IL1R1: variants seen among roughly 807,000 people sequenced by gnomAD.
IL1R1 encodes interleukin 1 receptor type 1.
In IL1R1, 22 loss-of-function variants were observed where a neutral mutation model predicts 50.2. That is an observed-to-expected ratio of 0.44 (90% confidence interval 0.31 to 0.63). The LOEUF is 0.63. Among genes scored for constraint, IL1R1 ranks in the 20% least tolerant of loss-of-function variants. The pLI is 0.07. For synonymous variants in IL1R1, 251 were observed against 236.7 expected, an observed-to-expected ratio of 1.06 and a Z score of -0.55; for missense variants, 509 against 676.2, an observed-to-expected ratio of 0.75 and a Z score of 2.74.
At chr2:102,077,865 A>G (rs1327773439) in intron 1 of IL1R1, among the ~76,000 whole-genome samples, 1 of 152,246 alleles carries the variant, frequency 6.6e-6, no homozygotes, top group Admixed American at 6.5e-5. Flanking sequence ...GAAATCATAC[A>G]AAGTATATTC....
At chr2:102,172,561 A>T in intron 8 of IL1R1, 126 bp from the exon 9 acceptor site, 1 of 1,055,430 alleles carries the variant, frequency 9.5e-7, no homozygotes, top group South Asian at 2.3e-5. Flanking sequence ...TGTGACTGTG[A>T]TTGGGCAGGG....
At chr2:102,161,034 C>A (rs1228746109) in intron 3 of IL1R1, among the ~76,000 whole-genome samples, 1 of 152,132 alleles carries the variant, frequency 6.6e-6, no homozygotes, top group Non-Finnish European at 1.5e-5. Context: ...GGTAGAAGCT[C>A]AAGTCATCAA....
At chr2:102,165,889 C>T (rs1015097637) in intron 5 of IL1R1, among the ~76,000 whole-genome samples, 1 of 152,160 alleles carries the variant, frequency 6.6e-6, no homozygotes, top group Non-Finnish European at 1.5e-5. Flanking sequence ...TTGGCCTTCA[C>T]TTCATAGTAC....
chr2:102,144,987 C>T (rs970920744), intron 1 of IL1R1, among the ~76,000 whole-genome samples: 21 of 152,130 alleles, frequency 1.4e-4, no homozygotes, highest in Admixed American at 6.5e-4. Context: ...TGCATCAGTG[C>T]GAGCTGAGTG....
chr2:102,105,521 T>C (rs901624553), intron 1 of IL1R1, among the ~76,000 whole-genome samples: 7 of 151,390 alleles, frequency 4.6e-5, no homozygotes, highest in Admixed American at 2.6e-4. Context: ...CCTGCCACCA[T>C]GCCCTGCTAA....
chr2:102,105,497 TG>T (rs1680354282), intron 1 of IL1R1, among the ~76,000 whole-genome samples: 1 of 152,194 alleles, frequency 6.6e-6, no homozygotes, highest in Non-Finnish European at 1.5e-5. Flanking sequence ...CCCGAGTAGC[TG>T]GGACTATAGG....
intron 1 of IL1R1, among the ~76,000 whole-genome samples, chr2:102,107,882 G>A (rs946463937): frequency 3.9e-5 from 6 of 152,180 alleles, no homozygotes; most frequent in African/African-American, 7.2e-5. Context: ...TCTGCTGAGA[G>A]AGCGAGAGAA....
At chr2:102,157,100 G>A (rs757260188) in intron 2 of IL1R1, among the ~76,000 whole-genome samples, 9 of 151,880 alleles carry the variant, frequency 5.9e-5, no homozygotes, top group Non-Finnish European at 8.8e-5. Flanking sequence ...TACAAAGTTC[G>A]TTGTAGATAT....
At chr2:102,081,463 G>A (rs1679205032) in intron 1 of IL1R1, among the ~76,000 whole-genome samples, 1 of 152,148 alleles carries the variant, frequency 6.6e-6, no homozygotes, top group African/African-American at 2.4e-5. Flanking sequence ...GGTGGTTTCA[G>A]GCATTGCTCT....
At chr2:102,153,594 A>T (rs138662493) in intron 1 of IL1R1, among the ~76,000 whole-genome samples, 200 of 152,244 alleles carry the variant, frequency 1.3e-3, no homozygotes, top group African/African-American at 4.7e-3. Flanking sequence ...AGGTGATTAG[A>T]TCATGGGGGC....
At position 102,155,355 on chromosome 2, in the gene IL1R1, A is replaced by G. The variant is rs368360393; in HGVS notation, c.-7+1338A>G. ...GGCACGGAGGCTGAGCTTTTACTCA[A>G]CATGCCATCTATGTTGAGGGACTTC... On this transcript the variant is annotated intron_variant, in intron 2 of 11. Transcript: ENST00000410023. Among the ~76,000 whole-genome samples the G allele has an allele frequency of 1.2e-3, 176 of 152,326 alleles. 2 individuals are homozygous for G. The South Asian group carries it at 0.034, about 29-fold the overall frequency.
intron 1 of IL1R1, among the ~76,000 whole-genome samples, chr2:102,092,269 G>A (rs1319375098): frequency 1.3e-5 from 2 of 152,012 alleles, no homozygotes; most frequent in Admixed American, 6.6e-5. Flanking sequence ...GCAGAGGGGC[G>A]GGAGGCTGGC....
intron 1 of IL1R1, among the ~76,000 whole-genome samples, chr2:102,145,403 A>G (rs529707448): frequency 3.9e-5 from 6 of 152,228 alleles, no homozygotes; most frequent in African/African-American, 1.4e-4. Flanking sequence ...GCATGTGGGA[A>G]GCCCTGGCCC....
intron 1 of IL1R1, among the ~76,000 whole-genome samples, chr2:102,075,441 A>G (rs1212757401): frequency 6.6e-6 from 1 of 152,026 alleles, no homozygotes; most frequent in Non-Finnish European, 1.5e-5. Flanking sequence ...AACACATGCT[A>G]AAAGAACACA....
At chr2:102,108,755 A>G (rs945559805) in intron 1 of IL1R1, among the ~76,000 whole-genome samples, 7 of 152,060 alleles carry the variant, frequency 4.6e-5, no homozygotes, top group African/African-American at 1.7e-4. Flanking sequence ...ATATTAAACA[A>G]ATGAATGCAA....
intron 1 of IL1R1, among the ~76,000 whole-genome samples, chr2:102,075,362 G>C (rs1678913930): frequency 6.6e-6 from 1 of 152,174 alleles, no homozygotes; most frequent in Non-Finnish European, 1.5e-5. Context: ...TGGGCACTGA[G>C]GAAATCTGGG....
chr2:102,080,008 G>A (rs1397169721), intron 1 of IL1R1, among the ~76,000 whole-genome samples: 1 of 152,076 alleles, frequency 6.6e-6, no homozygotes, highest in East Asian at 1.9e-4. Context: ...CTTAATAAAA[G>A]GTGATGGGAC....
intron 6 of IL1R1, 77 bp downstream of exon 6, chr2:102,166,358 A>G: frequency 8.8e-7 from 1 of 1,140,768 alleles, no homozygotes; most frequent in Non-Finnish European, 1.2e-6. Flanking sequence ...TACTTTCATT[A>G]TCCATGAAGA....
At chr2:102,161,416 G>A (rs1257266746) in intron 3 of IL1R1, among the ~76,000 whole-genome samples, 1 of 152,144 alleles carries the variant, frequency 6.6e-6, no homozygotes, top group Non-Finnish European at 1.5e-5. Context: ...ACTGTTGTTG[G>A]TTGGAATTTT....
Sources: allele counts gnomAD v4.1 joint callset (sites outside exome capture counted in the v4.1 genomes callset), GRCh38; gene constraint gnomAD v4.1.1; transcripts MANE v1.5; gene names NCBI Gene and HGNC (gene_info 2026-07-23, HGNC 2026-07-21).